SPIDR: variants seen among roughly 807,000 people sequenced by gnomAD.
SPIDR encodes the protein scaffold protein involved in DNA repair.
SPIDR carries 93 observed loss-of-function variants against 104.6 expected under a neutral mutation model. The ratio of observed to expected loss-of-function variants is 0.89; its 90% CI spans 0.75 to 1.06. The LOEUF is 1.06. Ranked by LOEUF, SPIDR falls within the 50% of genes least tolerant of loss-of-function variation. The pLI is 0.00. For synonymous variants in SPIDR, 431 were observed against 416.9 expected (o/e 1.03, Z -0.41); for missense variants, 1,154 against 1,111.2 (o/e 1.04, Z -0.55).
chr8:47,519,544 A>G (rs2083703416), intron 8 of SPIDR, among the ~76,000 whole-genome samples: 1 of 152,228 alleles, frequency 6.6e-6, no homozygotes, highest in South Asian at 2.1e-4. Flanking sequence ...TTGGGAATCC[A>G]AAGTAAGGAG....
At chr8:47,336,387 G>T (rs1054495281) in intron 5 of SPIDR, among the ~76,000 whole-genome samples, 20 of 152,180 alleles carry the variant, frequency 1.3e-4, no homozygotes, top group African/African-American at 4.3e-4. Context: ...AAAGAGTATT[G>T]CCAAAGAAGA....
chr8:47,723,900 A>G (rs1340432131), intron 16 of SPIDR, among the ~76,000 whole-genome samples: 1 of 148,946 alleles, frequency 6.7e-6, no homozygotes, highest in Admixed American at 6.7e-5. Context: ...CCCTTGTAAC[A>G]CTCCTGTTAT....
chr8:47,380,307 G>A (rs558146901), intron 5 of SPIDR, among the ~76,000 whole-genome samples: 35 of 152,294 alleles, frequency 2.3e-4, no homozygotes, highest in African/African-American at 7.5e-4. Flanking sequence ...CAGACAGGTC[G>A]TATCACAGTT....
chr8:47,329,790 G>C (rs1368024568), intron 5 of SPIDR, among the ~76,000 whole-genome samples: 9 of 152,048 alleles, frequency 5.9e-5, no homozygotes, highest in Non-Finnish European at 1.2e-4. Flanking sequence ...ACCATTTTTT[G>C]TTCTCTTCAT....
At chr8:47,439,064 A>T (rs1284734213) in intron 7 of SPIDR, among the ~76,000 whole-genome samples, 1 of 151,924 alleles carries the variant, frequency 6.6e-6, no homozygotes, top group Non-Finnish European at 1.5e-5. Flanking sequence ...GTATTTTTTT[A>T]TTTTTTTTAA....
intron 10 of SPIDR, among the ~76,000 whole-genome samples, chr8:47,625,325 A>G (rs2065882940): frequency 6.6e-6 from 1 of 152,234 alleles, no homozygotes; most frequent in Non-Finnish European, 1.5e-5. Flanking sequence ...GAAAACTGGC[A>G]CAAGACAGGG....
At chr8:47,481,393 T>C (rs753365392) in intron 8 of SPIDR, among the ~76,000 whole-genome samples, 2 of 152,132 alleles carry the variant, frequency 1.3e-5, no homozygotes, top group Non-Finnish European at 2.9e-5. Flanking sequence ...TTCCAGCACA[T>C]TGGGAGGCCG....
intron 7 of SPIDR, among the ~76,000 whole-genome samples, chr8:47,434,903 ACTCAGTAGT>A (rs1248079334): frequency 3.3e-5 from 5 of 152,202 alleles, no homozygotes; most frequent in African/African-American, 1.2e-4. Flanking sequence ...AAGGCATTTA[ACTCAGTAGT>A]CACAGACATA....
rs141209711 is a variant in SPIDR, at chr8:47,692,614, C to T, written c.1686-7789C>T. Among the ~76,000 whole-genome samples the T allele has an allele frequency of 3.1e-3, 469 of 151,150 alleles. 1 individual carries two copies. The highest frequency in any genetic ancestry group is 0.011 in the African/African-American group (447 of 41,186). On this transcript the variant is annotated intron_variant, in intron 11 of 19. Coordinates refer to ENST00000297423, the MANE Select transcript of SPIDR (RefSeq NM_001080394.4). ...CTGGGTTCAAGCGATTCTCCTGCCT[C>T]AGCCTCCAGAGTAGCTGGGATTACA...
At chr8:47,542,116 A>G (rs2088296602) in intron 8 of SPIDR, among the ~76,000 whole-genome samples, 1 of 152,120 alleles carries the variant, frequency 6.6e-6, no homozygotes. Flanking sequence ...AACTACAGCA[A>G]AGTTAATTAA....
intron 5 of SPIDR, among the ~76,000 whole-genome samples, chr8:47,377,461 G>T (rs150091301): frequency 5.3e-4 from 80 of 152,326 alleles, no homozygotes; most frequent in African/African-American, 1.7e-3. Context: ...CCAGGCACAA[G>T]CCTCCAAGTG....
chr8:47,298,181 T>G (rs2041268952), intron 5 of SPIDR, among the ~76,000 whole-genome samples: 1 of 152,186 alleles, frequency 6.6e-6, no homozygotes, highest in Admixed American at 6.5e-5. Context: ...CTCACCGTGG[T>G]TTTGATTTGC....
At chr8:47,466,706 C>CAAA (rs78296344) in intron 8 of SPIDR, among the ~76,000 whole-genome samples, 1 of 135,000 alleles carries the variant, frequency 7.4e-6, no homozygotes, top group African/African-American at 2.8e-5. Context: ...ACGAAAAATA[C>CAAA]AAAAAAAAAA....
chr8:47,340,148 CCAAGTAGATGAAGTTTCTAACA>C lies in SPIDR; in HGVS notation c.525+46122_525+46143del, dbSNP rs540433041. Among the ~76,000 whole-genome samples the C allele has an allele frequency of 3.9e-4, 59 of 152,088 alleles. 1 individual carries two copies. The South Asian group carries it at 5.2e-3, about 13-fold the overall frequency. On this transcript the variant is annotated intron_variant, in intron 5 of 19. Transcript: ENST00000297423. Reference sequence around the variant, plus strand: ...ATATTATGCCTTCTTTCTTCACCTTCCAAGTAGATGAAGTTTCTAACACAAAAGAGGTTATGGGCTTTATCAA... The same window carrying C: ...ATATTATGCCTTCTTTCTTCACCTTCCAAAAGAGGTTATGGGCTTTATCAA...
At chr8:47,627,103 G>C (rs377486131) in intron 10 of SPIDR, among the ~76,000 whole-genome samples, 1 of 152,096 alleles carries the variant, frequency 6.6e-6, no homozygotes, top group African/African-American at 2.4e-5. Flanking sequence ...ATGGATGAAG[G>C]TGGAAACCAT....
intron 8 of SPIDR, among the ~76,000 whole-genome samples, chr8:47,464,479 G>C (rs1554715732): frequency 6.6e-6 from 1 of 152,174 alleles, no homozygotes; most frequent in African/African-American, 2.4e-5. Context: ...GGAATAAACA[G>C]AAGCTGGGCT....
chr8:47,485,119 G>A (rs1443882538), intron 8 of SPIDR, among the ~76,000 whole-genome samples: 6 of 152,306 alleles, frequency 3.9e-5, no homozygotes, highest in Admixed American at 2.0e-4. Context: ...TGTGATAGAC[G>A]ACGCCTGGAA....
intron 8 of SPIDR, among the ~76,000 whole-genome samples, chr8:47,587,066 G>A (rs1337188687): frequency 6.6e-6 from 1 of 152,028 alleles, no homozygotes; most frequent in Admixed American, 6.6e-5. Flanking sequence ...CACTGCGCTC[G>A]GCCTCAAGTT....
intron 16 of SPIDR, among the ~76,000 whole-genome samples, chr8:47,717,988 T>C (rs1162409875): frequency 6.6e-6 from 1 of 152,186 alleles, no homozygotes; most frequent in Non-Finnish European, 1.5e-5. Context: ...GGGCACATGC[T>C]GTTGGCACCC....
Sources: gnomAD v4.1 joint callset for allele counts (sites outside exome capture counted in the v4.1 genomes callset) on GRCh38, gnomAD v4.1.1 for gene constraint, MANE v1.5 for transcripts, NCBI Gene and HGNC (gene_info 2026-07-23, HGNC 2026-07-21) for gene names.